The following FANCI variants were observed in gnomAD, a reference collection of about 807,000 sequenced individuals.
FANCI encodes the protein FA complementation group I.
Under a neutral mutation model 176.1 loss-of-function variants are expected in FANCI, and 156 were observed. That is an observed-to-expected ratio of 0.89 (90% CI 0.78 to 1.01). The LOEUF is 1.01. Ranked by LOEUF, FANCI falls within the 50% of genes least tolerant of loss-of-function variation. FANCI has a pLI of 0.00. For missense variants in FANCI, 1,678 were observed against 1,534.1 expected (o/e 1.09, Z -1.57); for synonymous variants, 613 against 541.7 (o/e 1.13, Z -1.83).
chr15:89,260,221 G>A (rs1316766062), intron 3 of FANCI, among the ~76,000 whole-genome samples: 2 of 151,066 alleles, frequency 1.3e-5, no homozygotes, highest in Non-Finnish European at 2.9e-5. Context: ...TTCCAGGATC[G>A]GCACTAAAAA....
intron 18 of FANCI, among the ~76,000 whole-genome samples, chr15:89,286,951 A>G (rs1304753836): frequency 1.4e-5 from 2 of 139,594 alleles, no homozygotes. Context: ...CAGCTTCTCC[A>G]TCAGCATTTG....
At chr15:89,290,833 G>C (rs1334958971) in intron 19 of FANCI, among the ~76,000 whole-genome samples, 2 of 152,100 alleles carry the variant, frequency 1.3e-5, no homozygotes, top group South Asian at 4.1e-4. Flanking sequence ...ATTGCTTTGT[G>C]ATAGTTATGA....
At chr15:89,278,019 A>G (rs1178601423) in intron 13 of FANCI, among the ~76,000 whole-genome samples, 1 of 152,206 alleles carries the variant, frequency 6.6e-6, no homozygotes, top group African/African-American at 2.4e-5. Flanking sequence ...TGATATTGTT[A>G]AAGACATTAT....
intron 22 of FANCI, 144 bp from the exon 23 acceptor site, chr15:89,293,689 A>AT: frequency 1.1e-6 from 1 of 890,062 alleles, no homozygotes; most frequent in East Asian, 2.5e-5. Flanking sequence ...ACCTGGGAGT[A>AT]TTATATTAAT....
At position 89,276,742 on chromosome 15, in the gene FANCI, C is replaced by A. The variant is rs772266177; in HGVS notation, c.1144C>A (p.Leu382Ile). Residue 382 changes from leucine (L) to isoleucine (I), a missense_variant, in exon 13 of 38, where the codon CTC becomes ATC. Leu to Ile is a conservative substitution (Grantham distance 5). Around this residue, in one of 3 missense-constraint regions of FANCI, gnomAD observed 469 missense variants for 436.9 expected, o/e 1.07. Coordinates refer to ENST00000310775, the MANE Select transcript of FANCI (RefSeq NM_001113378.2). Reference protein sequence around the residue: ...VHSWDHVTQGLVELGFILMDS... With the variant: ...VHSWDHVTQGIVELGFILMDS... ...TAGCTGGGACCATGTTACTCAGGGC[C>A]TCGTAGAACTTGGTTTCATTTTGAT... The A allele has an allele frequency of 6.2e-7, 1 of 1,614,110 alleles. No individual in the cohort carries two copies. The highest frequency in any genetic ancestry group is 8.5e-7 in the Non-Finnish European group (1 of 1,180,026).
At position 89,294,889 on chromosome 15, in the gene FANCI, C is replaced by T. The variant is rs1201089054; in HGVS notation, c.2457-26C>T. The T allele has an allele frequency of 2.0e-5, 31 of 1,542,146 alleles. No homozygotes were observed. In the Admixed American group the frequency reaches 2.7e-4, roughly 14 times the overall value. On this transcript the variant is annotated intron_variant, in intron 23 of 37. Coordinates refer to ENST00000310775, the MANE Select transcript of FANCI (RefSeq NM_001113378.2). ...TAGCAGTAAGGGAATCTTCCTTTTTCTTTCTCTCTCTCTGTCTCTCTCTAG... is the reference window on the plus strand; with the variant it reads ...TAGCAGTAAGGGAATCTTCCTTTTTTTTTCTCTCTCTCTGTCTCTCTCTAG...
intron 2 of FANCI, among the ~76,000 whole-genome samples, chr15:89,249,884 A>G (rs7166708): frequency 0.032 from 4,930 of 152,318 alleles, 233 homozygotes; most frequent in African/African-American, 0.11. Context: ...AAATATATGC[A>G]GAGAACTTTG....
Position 89,289,033 on chromosome 15 carries a change from G to T in FANCI, c.1822-1180G>T, listed in dbSNP as rs867913692. On this transcript the variant is annotated intron_variant, in intron 18 of 37. Transcript: ENST00000310775. ...TTGAGGTTTTTTTTTTTATGCATTT[G>T]TTTTTGACGTTTAGCTACTTAATTC... 2.7e-5 allele frequency among the ~76,000 whole-genome samples: 4 copies of T among 150,582 alleles called. No homozygotes were observed. In the East Asian group the frequency reaches 5.8e-4, roughly 22 times the overall value.
At chr15:89,268,303 T>C (rs2053057044) in intron 9 of FANCI, 96 bp from the exon 10 acceptor site, 1 of 1,316,804 alleles carries the variant, frequency 7.6e-7, no homozygotes, top group East Asian at 2.3e-5. Context: ...ACTCCTGGGA[T>C]CAAGTGATGC....
rs1567141408 is a variant in FANCI at position 89,258,784 on chromosome 15, T to A, written c.157+8T>A. On this transcript the variant is annotated splice_region_variant and intron_variant, in intron 3 of 37. Transcript: ENST00000310775. ...TGAGAGCCATCTTCAAAGGTAATAA[T>A]AATTAATGTCACTTCTGTCTGTCTC... 1 of 1,592,872 alleles carries A rather than the reference T, an allele frequency of 6.3e-7. No homozygotes were observed. The highest frequency in any genetic ancestry group is 8.6e-7 in the Non-Finnish European group (1 of 1,160,884).
chr15:89,275,655 A>T (rs1249381517), intron 12 of FANCI, among the ~76,000 whole-genome samples: 1 of 151,996 alleles, frequency 6.6e-6, no homozygotes, highest in East Asian at 1.9e-4. Context: ...CTTTTTCCTG[A>T]GGTTTATACT....
At chr15:89,253,899 CATAAT>C (rs964683744) in intron 2 of FANCI, among the ~76,000 whole-genome samples, 19 of 126,586 alleles carry the variant, frequency 1.5e-4, no homozygotes, top group Admixed American at 7.6e-4. Context: ...CAACTTCACT[CATAAT>C]AAGAGAAAAA....
In FANCI at chr15:89,251,066, TTAATA is replaced by T. The variant is rs1284496533; in HGVS notation, c.84+3341_84+3345del. 1.4e-4 allele frequency among the ~76,000 whole-genome samples: 21 copies of T among 151,986 alleles called. No individual in the cohort carries two copies. In the East Asian group the frequency reaches 3.7e-3, roughly 27 times the overall value. Reference sequence around the variant, plus strand: ...TTGTGGGGGAAAAAAACACCATTAATTAATATAATAATCAAAACAGTGGAGTAAAA... The same window carrying T: ...TTGTGGGGGAAAAAAACACCATTAATTAATAATCAAAACAGTGGAGTAAAA... On this transcript the variant is annotated intron_variant, in intron 2 of 37. Coordinates refer to ENST00000310775, the MANE Select transcript of FANCI (RefSeq NM_001113378.2).
In FANCI at chr15:89,314,502, G is replaced by C. The variant is rs1474886966; in HGVS notation, c.3721-110G>C. 19 of 827,292 alleles carry C rather than the reference G, an allele frequency of 2.3e-5. No homozygotes were observed. The Admixed American group carries it at 3.5e-4, about 15-fold the overall frequency. The allele number at this position is 827,292 out of a possible 1,614,324, so 51.2% of individuals were successfully genotyped here. Reference sequence around the variant, plus strand: ...GGTATACAACTGCATTTGATTGGGAGACAGACTAGTTTTCCCCTAAAGCCA... The same window carrying C: ...GGTATACAACTGCATTTGATTGGGACACAGACTAGTTTTCCCCTAAAGCCA... On this transcript the variant is annotated intron_variant, in intron 35 of 37. Coordinates refer to ENST00000310775, the MANE Select transcript of FANCI (RefSeq NM_001113378.2).
intron 32 of FANCI, among the ~76,000 whole-genome samples, chr15:89,306,930 T>G (rs2054744801): frequency 6.6e-6 from 1 of 152,206 alleles, no homozygotes; most frequent in Admixed American, 6.5e-5. Flanking sequence ...CATGTAGGTG[T>G]TAAATGCCTT....
intron 10 of FANCI, among the ~76,000 whole-genome samples, chr15:89,273,001 T>A (rs1180520233): frequency 6.6e-6 from 1 of 152,022 alleles, no homozygotes; most frequent in Non-Finnish European, 1.5e-5. Context: ...GTTATACTTT[T>A]AAGATGTATG....
Position 89,281,739 on chromosome 15 carries a change from G to A in FANCI, c.1513-26G>A, listed in dbSNP as rs769526672. The A allele has an allele frequency of 1.9e-6, 3 of 1,610,308 alleles. No homozygotes were observed. The East Asian group carries it at 6.7e-5, about 36-fold the overall frequency. ...TAAGGCTAATAAGCAAACTTGTTCTGTTTTTACCCACTGATTCTTTTTCAG... is the reference window on the plus strand; with the variant it reads ...TAAGGCTAATAAGCAAACTTGTTCTATTTTTACCCACTGATTCTTTTTCAG... On this transcript the variant is annotated intron_variant, in intron 15 of 37. Coordinates refer to ENST00000310775, the MANE Select transcript of FANCI (RefSeq NM_001113378.2).
intron 24 of FANCI, among the ~76,000 whole-genome samples, chr15:89,295,988 G>A (rs2054252916): frequency 6.6e-6 from 1 of 151,792 alleles, no homozygotes; most frequent in African/African-American, 2.4e-5. Context: ...TTTTTTTGGA[G>A]ACAGGGTCTT....
chr15:89,258,931 G>T (rs1364809775), intron 3 of FANCI, 155 bp downstream of exon 3: 10 of 640,948 alleles, frequency 1.6e-5, no homozygotes. Context: ...TTCCTGTCTA[G>T]TGGACTTAAG....
Sources: allele counts gnomAD v4.1 joint callset (sites outside exome capture counted in the v4.1 genomes callset), GRCh38; gene constraint gnomAD v4.1.1; regional missense constraint gnomAD v4.1.1; transcripts MANE v1.5; gene names NCBI Gene and HGNC (gene_info 2026-07-23, HGNC 2026-07-21).